Variants in MROH9 observed in about 807,000 individuals in gnomAD.
MROH9 encodes maestro heat like repeat family member 9.
A neutral mutation model predicts 98.2 loss-of-function variants in MROH9; 92 were observed. The observed-to-expected ratio is 0.94, with a 90% CI of 0.79 to 1.11. MROH9 has a LOEUF of 1.11. MROH9 is among the 50% of genes most tolerant of loss of function. MROH9 has a pLI of 0.00. For synonymous variants in MROH9, 397 were observed against 368.9 expected (o/e 1.08, Z -0.87); for missense variants, 1,057 against 1,014.8 (o/e 1.04, Z -0.57).
chr1:171,012,293 T>C (rs1652179728), intron 15 of MROH9, among the ~76,000 whole-genome samples: 1 of 152,086 alleles, frequency 6.6e-6, no homozygotes, highest in Admixed American at 6.5e-5. Context: ...ATTGTTTTGC[T>C]TTAGAGAAGT....
chr1:170,982,197 G>T (rs923291038), intron 8 of MROH9, among the ~76,000 whole-genome samples: 2 of 152,078 alleles, frequency 1.3e-5, no homozygotes, highest in Admixed American at 1.3e-4. Flanking sequence ...CAACCTAAAT[G>T]TCCATTAACA....
intron 10 of MROH9, among the ~76,000 whole-genome samples, chr1:170,988,392 G>A (rs1651229572): frequency 1.3e-5 from 2 of 152,198 alleles, no homozygotes; most frequent in Non-Finnish European, 2.9e-5. Context: ...CAACCACAGG[G>A]AAAGGTGAAG....
chr1:171,001,697 A>G (rs968643775), intron 15 of MROH9, among the ~76,000 whole-genome samples: 2 of 152,002 alleles, frequency 1.3e-5, no homozygotes, highest in East Asian at 3.9e-4. Context: ...TCCGCTGTTG[A>G]ACAGAATGTG....
chr1:170,937,802 C>T (rs550824576), intron 1 of MROH9, among the ~76,000 whole-genome samples: 4 of 152,224 alleles, frequency 2.6e-5, no homozygotes, highest in Admixed American at 1.3e-4. Context: ...GGATTACAGG[C>T]GTGAGCCACC....
chr1:170,999,541 T>TAC (rs1452666518), intron 15 of MROH9, among the ~76,000 whole-genome samples: 3 of 143,676 alleles, frequency 2.1e-5, no homozygotes, highest in Non-Finnish European at 4.6e-5. Flanking sequence ...TATATATATA[T>TAC]ACACACACAC....
At chr1:171,012,251 T>C (rs1287184981) in intron 15 of MROH9, among the ~76,000 whole-genome samples, 1 of 152,082 alleles carries the variant, frequency 6.6e-6, no homozygotes, top group Non-Finnish European at 1.5e-5. Flanking sequence ...TTTCTTCTTT[T>C]ATTATATCAC....
Position 171,064,188 on chromosome 1 carries a change from C to T in MROH9, c.2434C>T (p.Leu812=), listed in dbSNP as rs1052664643. 61 of 1,551,354 alleles carry T rather than the reference C, an allele frequency of 3.9e-5. No individual in the cohort carries two copies. Among genetic ancestry groups the T allele is most frequent in the Non-Finnish European group, 5.3e-5 (61 of 1,146,914 alleles). Residue 812 remains leucine, a synonymous_variant, in exon 22 of 22, where the codon CTG becomes TTG. Transcript: ENST00000367759. ...YDIFKKKAHK[L]TSAPLKQNFQ... ...TATTTTTAAGAAAAAAGCCCATAAA[C>T]TGACCTCTGCACCTCTTAAACAAAA... is the stretch of plus-strand genomic sequence containing the variant.
At chr1:171,020,534 G>A (rs1652482087) in intron 17 of MROH9, among the ~76,000 whole-genome samples, 1 of 152,122 alleles carries the variant, frequency 6.6e-6, no homozygotes, top group African/African-American at 2.4e-5. Flanking sequence ...CTCAATAGAT[G>A]CCGAAAAGGC....
rs764506224 is a variant in MROH9, at chr1:170,947,478, A to G, written c.26-49A>G. On this transcript the variant is annotated intron_variant, in intron 2 of 21. Coordinates refer to ENST00000367759, the MANE Select transcript of MROH9 (RefSeq NM_001163629.2). Reference sequence around the variant, plus strand: ...GGAAATAAGGCCCCACTAAGATGATAGGAGTCTATGTTCATTCCTTTTTAA... The same window carrying G: ...GGAAATAAGGCCCCACTAAGATGATGGGAGTCTATGTTCATTCCTTTTTAA... The G allele has an allele frequency of 4.0e-6, 6 of 1,512,740 alleles. No individual in the cohort carries two copies. The South Asian group carries it at 4.6e-5, about 12-fold the overall frequency. 93.7% of individuals were successfully genotyped at this position (1,512,740 alleles called of 1,614,324 possible).
At chr1:171,001,237 A>G (rs1374631482) in intron 15 of MROH9, among the ~76,000 whole-genome samples, 3 of 151,752 alleles carry the variant, frequency 2.0e-5, no homozygotes, top group African/African-American at 7.3e-5. Flanking sequence ...GTTTGTTTCA[A>G]TTACATTCAG....
rs1652258867 is a variant in MROH9 at position 171,014,313 on chromosome 1, T to C, written c.1734+59T>C. The C allele has an allele frequency of 1.2e-5, 17 of 1,474,980 alleles. 1 individual carries two copies. The South Asian group carries it at 1.9e-4, about 16-fold the overall frequency. 91.4% of individuals were successfully genotyped at this position (1,474,980 alleles called of 1,614,324 possible). A position where few individuals can be genotyped will look rare whatever the true frequency, so the allele number is the denominator to read the frequency against. On this transcript the variant is annotated intron_variant, in intron 16 of 21. Coordinates refer to ENST00000367759, the MANE Select transcript of MROH9 (RefSeq NM_001163629.2). ...TCTAAATCATAATCTGAGATTTTGATGTCACTTAACATCTTCACTGACAAA... is the reference window on the plus strand; with the variant it reads ...TCTAAATCATAATCTGAGATTTTGACGTCACTTAACATCTTCACTGACAAA...
chr1:170,975,451 G>C (rs985369991), intron 8 of MROH9, among the ~76,000 whole-genome samples: 3 of 152,090 alleles, frequency 2.0e-5, no homozygotes, highest in African/African-American at 7.2e-5. Flanking sequence ...GATTTAGGGG[G>C]TACAAATGCT....
At chr1:171,029,830 C>G (rs940651996) in intron 20 of MROH9, among the ~76,000 whole-genome samples, 3 of 152,068 alleles carry the variant, frequency 2.0e-5, no homozygotes, top group Non-Finnish European at 2.9e-5. Context: ...AGGGAGGAGT[C>G]CCTCCTTTTC....
intron 20 of MROH9, among the ~76,000 whole-genome samples, chr1:171,038,836 G>A (rs1179385864): frequency 6.6e-6 from 1 of 151,966 alleles, no homozygotes; most frequent in Non-Finnish European, 1.5e-5. Context: ...GTCAAGAAGG[G>A]GATCATGGTG....
At chr1:171,008,323 A>G (rs1231797428) in intron 15 of MROH9, among the ~76,000 whole-genome samples, 3 of 152,206 alleles carry the variant, frequency 2.0e-5, no homozygotes, top group Non-Finnish European at 4.4e-5. Flanking sequence ...TATTCTACAA[A>G]CTAGATATGA....
intron 20 of MROH9, among the ~76,000 whole-genome samples, chr1:171,058,341 G>A (rs1388042518): frequency 6.9e-6 from 1 of 145,382 alleles, no homozygotes; most frequent in African/African-American, 2.6e-5. Context: ...AAATAAGAGA[G>A]GATGCAAAAA....
In MROH9 at chr1:170,992,265, T is replaced by G. The variant is rs1192843397; in HGVS notation, c.1130T>G (p.Met377Arg). 6.2e-7 allele frequency: 1 copy of G among 1,613,606 alleles called. No homozygotes were observed. The highest frequency in any genetic ancestry group is 8.5e-7 in the Non-Finnish European group (1 of 1,179,694). The change falls in exon 12 of 22, where the codon ATG (methionine) becomes AGG (arginine). Residue 377 changes from methionine to arginine, a missense_variant. Physicochemically the swap from Met to Arg is moderately conservative, Grantham distance 91. Transcript: ENST00000367759. ...ATACTGAAAGGAAAGCCTGGGGAAA[T>G]GGAGGACACCGTAACGGAAGGGAAA... ...LLILKGKPGE[M>R]EDTVTEGKRF... is the part of the protein sequence containing the mutation.
At chr1:170,998,731 T>G in intron 15 of MROH9, 3 of 1,001,594 alleles carry the variant, frequency 3.0e-6, no homozygotes, top group Non-Finnish European at 3.6e-6. Context: ...TTGTGCCATG[T>G]ATTGTAATAC....
chr1:171,046,727 G>GT (rs1255383261), intron 20 of MROH9, among the ~76,000 whole-genome samples: 2 of 152,118 alleles, frequency 1.3e-5, no homozygotes, highest in Non-Finnish European at 2.9e-5. Context: ...AATATTCTGT[G>GT]TTTTTTCTGT....
Sources: gnomAD v4.1 joint callset for allele counts (sites outside exome capture counted in the v4.1 genomes callset) on GRCh38, gnomAD v4.1.1 for gene constraint, MANE v1.5 for transcripts, NCBI Gene and HGNC (gene_info 2026-07-23, HGNC 2026-07-21) for gene names.